The following TRIOBP variants were observed in gnomAD, a reference collection of about 807,000 sequenced individuals.
TRIOBP encodes TRIO and F-actin binding protein, also known as TRIO and F-actin-binding protein.
Under a neutral mutation model 238.8 loss-of-function variants are expected in TRIOBP, and 169 were observed. The observed-to-expected ratio is 0.71, with a 90% CI of 0.62 to 0.80. TRIOBP has a LOEUF of 0.80. Among genes scored for constraint, TRIOBP ranks in the 30% least tolerant of loss-of-function variants. TRIOBP has a pLI of 0.00. For missense variants in TRIOBP, 2,838 were observed against 3,122.6 expected (o/e 0.91, Z 2.17); for synonymous variants, 1,150 against 1,274.4 (o/e 0.90, Z 2.08).
At chr22:37,771,538 T>A in intron 21 of TRIOBP, 112 bp from the exon 22 acceptor site, 1 of 915,600 alleles carries the variant, frequency 1.1e-6, no homozygotes. Flanking sequence ...TTTGTGCAGA[T>A]AGGGGCTGCA....
chr22:37,719,999 C>A (rs1163667930), intron 6 of TRIOBP, among the ~76,000 whole-genome samples: 21 of 33,634 alleles, frequency 6.2e-4, no homozygotes, highest in East Asian at 2.6e-3. Flanking sequence ...CCCCCCCCGC[C>A]CTTTTTTTTT....
chr22:37,732,145 T>C (rs1924453907), intron 7 of TRIOBP, among the ~76,000 whole-genome samples: 1 of 152,224 alleles, frequency 6.6e-6, no homozygotes, highest in Admixed American at 6.5e-5. Context: ...CCTTTTGTTG[T>C]GACCCCTTAG....
chr22:37,712,965 TA>T lies in TRIOBP; in HGVS notation c.255-242del, dbSNP rs1167207874. ...GAGCGAGACTCTGTCTCAAAATAAA[TA>T]AATAAATAAATAAATAAATAAATAA... On this transcript the variant is annotated intron_variant, in intron 4 of 23. Coordinates refer to ENST00000644935, the MANE Select transcript of TRIOBP (RefSeq NM_001039141.3). Among the ~76,000 whole-genome samples, 1,203 of 82,036 alleles carry T rather than the reference TA, an allele frequency of 0.015. 19 individuals carry two copies. Among genetic ancestry groups the T allele is most frequent in the African/African-American group, 0.035 (1,134 of 32,244 alleles). The allele number at this position is 82,036 out of a possible 152,430, so 53.8% of individuals were successfully genotyped here.
intron 13 of TRIOBP, 32 bp from the exon 14 acceptor site, chr22:37,755,069 C>T (rs1441381707): frequency 6.2e-7 from 1 of 1,611,808 alleles, no homozygotes; most frequent in Non-Finnish European, 8.5e-7. Context: ...CACCAGGGCC[C>T]ACACGGACCA....
chr22:37,702,388 G>A (rs995873575), intron 3 of TRIOBP, among the ~76,000 whole-genome samples: 7 of 151,712 alleles, frequency 4.6e-5, no homozygotes, highest in Non-Finnish European at 1.0e-4. Context: ...ATTTTTAGTA[G>A]AAACGGGGTT....
rs201639304 is a variant in TRIOBP, at chr22:37,757,637, C to T, written c.5712C>T (p.Asn1904=). ...GGCTCTCGGACTCTAACAAGGAGAA[C>T]GCGCTGCACAGCTACAGCACCCAGA... ...VTKLSDSNKE[N]ALHSYSTQKG... is the part of the protein sequence containing the mutation. The change falls in exon 16 of 24, where the codon AAC becomes AAT. Residue 1904 remains asparagine (N), a synonymous_variant. Transcript: ENST00000644935. The T allele has an allele frequency of 2.1e-5, 34 of 1,588,938 alleles. No homozygotes were observed. Among genetic ancestry groups the T allele is most frequent in the Non-Finnish European group, 2.5e-5 (29 of 1,169,600 alleles).
At chr22:37,733,526 C>T (rs898990583) in intron 8 of TRIOBP, 114 bp downstream of exon 8, 17 of 820,140 alleles carry the variant, frequency 2.1e-5, no homozygotes, top group Admixed American at 1.5e-4. Flanking sequence ...ATGAAAGGGT[C>T]GGAGTCCAAT....
intron 18 of TRIOBP, among the ~76,000 whole-genome samples, chr22:37,766,838 G>T (rs139456017): frequency 3.0e-4 from 46 of 152,102 alleles, no homozygotes; most frequent in African/African-American, 1.1e-3. Context: ...GTGGGCAGCT[G>T]CAATCCCAGC....
rs71195050 is a variant in TRIOBP, at chr22:37,743,801, ATGTGTGTGTGTGTGTGTGTGTGTGTGTG to A, written c.5322+2786_5322+2813del. ...GGGGAAGGGGAGAAAGAGAGAGAGAATGTGTGTGTGTGTGTGTGTGTGTGTGTGTGTGTGTGTGTGTGTGCTGGGTGTG... is the reference window on the plus strand; with the variant it reads ...GGGGAAGGGGAGAAAGAGAGAGAGAATGTGTGTGTGTGTGTGCTGGGTGTG... On this transcript the variant is annotated intron_variant, in intron 11 of 23. Transcript: ENST00000644935. 3.8e-4 allele frequency among the ~76,000 whole-genome samples: 43 copies of A among 114,180 alleles called. 2 individuals are homozygous for A. In the South Asian group the frequency reaches 9.0e-3, roughly 24 times the overall value. 74.9% of individuals were successfully genotyped at this position (114,180 alleles called of 152,430 possible). A position where few individuals can be genotyped will look rare whatever the true frequency, so the allele number is the denominator to read the frequency against.
Position 37,725,867 on chromosome 22 carries a change from A to G in TRIOBP, c.3311A>G (p.Glu1104Gly), listed in dbSNP as rs1434281595. 1.2e-6 allele frequency: 2 copies of G among 1,607,406 alleles called. No homozygotes were observed. The highest frequency in any genetic ancestry group is 1.7e-6 in the Non-Finnish European group (2 of 1,178,676). Residue 1104 changes from glutamate to glycine, a missense_variant, in exon 7 of 24, where the codon GAG (glutamate) becomes GGG (glycine). Glu to Gly is a moderately conservative substitution (Grantham distance 98). Around this residue, in one of 5 missense-constraint regions of TRIOBP, gnomAD observed 2,096 missense variants for 2,137.4 expected, o/e 0.98. Coordinates refer to ENST00000644935, the MANE Select transcript of TRIOBP (RefSeq NM_001039141.3). The stretch of plus-strand genomic sequence containing the variant: ...CATCAGTGTCAGTCCCCCCAACACG[A>G]GCCCCTTCAGCTCCCTGCACCTGTG... ...AEHQCQSPQH[E>G]PLQLPAPVCI... is the part of the protein sequence containing the mutation.
chr22:37,705,235 T>G lies in TRIOBP; in HGVS notation c.114+3756T>G, dbSNP rs571214759. 6.2e-4 allele frequency among the ~76,000 whole-genome samples: 94 copies of G among 151,586 alleles called. 2 individuals carry two copies. In the South Asian group the frequency reaches 0.019, roughly 30 times the overall value. On this transcript the variant is annotated intron_variant, in intron 3 of 23. Coordinates refer to ENST00000644935, the MANE Select transcript of TRIOBP (RefSeq NM_001039141.3). ...ATTAAAAATACACAAATTAGCTACA[T>G]GTGGTGGTGGGTGCCTGTAATCCCA...
Position 37,725,525 on chromosome 22 carries a change from G to A in TRIOBP, c.2969G>A (p.Arg990Gln), listed in dbSNP as rs758243873. ...SHNPGHQSTS[R>Q]TSSPVYPAAY... Reference sequence around the variant, plus strand: ...AACCCAGGCCACCAGAGCACCTCCCGAACTTCCTCACCTGTGTACCCCGCT... The same window carrying A: ...AACCCAGGCCACCAGAGCACCTCCCAAACTTCCTCACCTGTGTACCCCGCT... Residue 990 changes from arginine (R) to glutamine (Q), a missense_variant, in exon 7 of 24, where the codon CGA (arginine) becomes CAA (glutamine). Physicochemically the swap from Arg to Gln is conservative, Grantham distance 43. Transcript: ENST00000644935. 4.3e-6 allele frequency: 7 copies of A among 1,613,224 alleles called. No individual in the cohort carries two copies. The highest frequency in any genetic ancestry group is 2.2e-5 in the East Asian group (1 of 44,830).
At chr22:37,730,679 T>A (rs2097415) in intron 7 of TRIOBP, among the ~76,000 whole-genome samples, 1 of 152,094 alleles carries the variant, frequency 6.6e-6, no homozygotes, top group East Asian at 1.9e-4. Flanking sequence ...CAGTGGCTCA[T>A]GCTTGTAATG....
intron 15 of TRIOBP, among the ~76,000 whole-genome samples, chr22:37,757,010 C>T (rs928242086): frequency 5.3e-5 from 8 of 152,200 alleles, no homozygotes; most frequent in Non-Finnish European, 1.0e-4. Flanking sequence ...CCTGTCCTCA[C>T]ATCCATCCTG....
intron 6 of TRIOBP, among the ~76,000 whole-genome samples, chr22:37,719,983 A>ACCCATCACACTGCACTCACTGTTTCC (rs1923736052): frequency 1.1e-5 from 1 of 90,108 alleles, no homozygotes; most frequent in Non-Finnish European, 2.0e-5. Flanking sequence ...TCACTGTTTC[A>ACCCATCACACTGCACTCACTGTTTCC]CTCATCCCCC....
At chr22:37,702,395 G>A (rs935342558) in intron 3 of TRIOBP, among the ~76,000 whole-genome samples, 2 of 151,550 alleles carry the variant, frequency 1.3e-5, no homozygotes, top group Admixed American at 1.3e-4. Flanking sequence ...GTAGAAACGG[G>A]GTTTCGCCAT....
chr22:37,728,261 CAA>C (rs67412135), intron 7 of TRIOBP, among the ~76,000 whole-genome samples: 155 of 77,978 alleles, frequency 2.0e-3, no homozygotes, highest in East Asian at 0.018. Flanking sequence ...GACTCCGTCT[CAA>C]AAAAAAAAAA....
intron 10 of TRIOBP, 34 bp from the exon 11 acceptor site, chr22:37,740,861 G>A (rs746192214): frequency 1.3e-6 from 2 of 1,559,036 alleles, no homozygotes; most frequent in Admixed American, 1.9e-5. Flanking sequence ...CCTGCCAAAG[G>A]GACCTGGGGC....
chr22:37,756,516 T>C (rs1309614148), intron 15 of TRIOBP, among the ~76,000 whole-genome samples: 2 of 152,238 alleles, frequency 1.3e-5, no homozygotes. Flanking sequence ...CTTTGTGAAC[T>C]CTGAAGCACT....
Sources: allele counts gnomAD v4.1 joint callset (sites outside exome capture counted in the v4.1 genomes callset), GRCh38; gene constraint gnomAD v4.1.1; regional missense constraint gnomAD v4.1.1; transcripts MANE v1.5; gene names NCBI Gene and HGNC (gene_info 2026-07-23, HGNC 2026-07-21).